The following FAM3D variants were observed in gnomAD, a reference collection of about 807,000 sequenced individuals.
The protein encoded by FAM3D is FAM3 metabolism regulating signaling molecule D, also known as protein FAM3D.
Under a neutral mutation model 29.8 loss-of-function variants are expected in FAM3D, and 26 were observed. The observed-to-expected ratio is 0.87, with a 90% CI of 0.64 to 1.21. The LOEUF (loss-of-function observed/expected upper bound fraction) is 1.21, where lower values mean the gene tolerates loss of function less well. Among genes scored for constraint, FAM3D ranks in the 50% most tolerant of loss-of-function variants. FAM3D has a pLI of 0.00. For missense variants in FAM3D, 253 were observed against 290.9 expected (o/e 0.87, Z 0.95); for synonymous variants, 115 against 102.3 (o/e 1.12, Z -0.75).
chr3:58,636,172 G>A, intron 9 of FAM3D, 122 bp downstream of exon 9: 1 of 1,436,258 alleles, frequency 7.0e-7, no homozygotes. Context: ...ACAGCCAGGG[G>A]CCTCTCCCCA....
intron 4 of FAM3D, 121 bp downstream of exon 4, chr3:58,649,194 G>T: frequency 1.6e-6 from 2 of 1,253,464 alleles, no homozygotes; most frequent in Non-Finnish European, 2.2e-6. Context: ...AGGAAGCCCA[G>T]GTTTCTCTGG....
chr3:58,660,167 A>G (rs2066904556), intron 1 of FAM3D, among the ~76,000 whole-genome samples: 1 of 152,220 alleles, frequency 6.6e-6, no homozygotes, highest in South Asian at 2.1e-4. Flanking sequence ...AAAGAGAATG[A>G]AAAAGAAACA....
chr3:58,644,083 C>T (rs564028489), intron 5 of FAM3D, among the ~76,000 whole-genome samples: 4 of 152,290 alleles, frequency 2.6e-5, no homozygotes, highest in East Asian at 1.9e-4. Context: ...CCCCATGTGG[C>T]CCAGCTGTGT....
intron 1 of FAM3D, among the ~76,000 whole-genome samples, chr3:58,664,814 C>A (rs1302311967): frequency 6.6e-6 from 1 of 152,214 alleles, no homozygotes; most frequent in East Asian, 1.9e-4. Context: ...TAGGAAATGT[C>A]TGCTCCGCTC....
chr3:58,647,014 T>C (rs1005971), intron 4 of FAM3D, among the ~76,000 whole-genome samples: 86,634 of 152,052 alleles, frequency 0.57, 26,708 homozygotes, highest in Non-Finnish European at 0.68. Flanking sequence ...CCAGGCTTGG[T>C]GAGCACCTTT....
At chr3:58,661,826 C>T (rs1450128855) in intron 1 of FAM3D, among the ~76,000 whole-genome samples, 1 of 152,198 alleles carries the variant, frequency 6.6e-6, no homozygotes, top group African/African-American at 2.4e-5. Context: ...GCTTTCTTGC[C>T]CTCTCCCTTG....
chr3:58,649,190 C>T, intron 4 of FAM3D, 125 bp downstream of exon 4: 1 of 1,206,066 alleles, frequency 8.3e-7, no homozygotes, highest in Non-Finnish European at 1.2e-6. Flanking sequence ...AATCAGGAAG[C>T]CCAGGTTTCT....
intron 2 of FAM3D, 66 bp from the exon 3 acceptor site, chr3:58,653,847 A>G: frequency 1.6e-6 from 2 of 1,236,588 alleles, no homozygotes; most frequent in South Asian, 1.2e-5. Context: ...ACCACGTGTG[A>G]GTTCTTCCCA....
chr3:58,641,202 G>T (rs1044188729), intron 6 of FAM3D, among the ~76,000 whole-genome samples: 12 of 152,180 alleles, frequency 7.9e-5, no homozygotes, highest in Admixed American at 4.6e-4. Flanking sequence ...CCCCACATCT[G>T]GCATACATAG....
chr3:58,640,404 G>C (rs1322914669), intron 6 of FAM3D, among the ~76,000 whole-genome samples: 1 of 152,222 alleles, frequency 6.6e-6, no homozygotes, highest in African/African-American at 2.4e-5. Context: ...GAATCGAACT[G>C]AGTCTACTCA....
intron 7 of FAM3D, among the ~76,000 whole-genome samples, chr3:58,637,994 C>T (rs1287399274): frequency 6.6e-6 from 1 of 152,176 alleles, no homozygotes; most frequent in African/African-American, 2.4e-5. Context: ...AAGCGATTCT[C>T]CTGCCTCAGC....
chr3:58,664,124 G>T (rs1220059579), intron 1 of FAM3D, among the ~76,000 whole-genome samples: 1 of 151,880 alleles, frequency 6.6e-6, no homozygotes, highest in Non-Finnish European at 1.5e-5. Context: ...CCTTGGGCAG[G>T]TTACCTCACC....
intron 7 of FAM3D, among the ~76,000 whole-genome samples, chr3:58,637,753 G>T (rs914693558): frequency 6.6e-6 from 1 of 152,178 alleles, no homozygotes; most frequent in Non-Finnish European, 1.5e-5. Flanking sequence ...AAGGCTCTGC[G>T]TGTGTCTTTA....
At chr3:58,660,059 G>C (rs2066902454) in intron 1 of FAM3D, among the ~76,000 whole-genome samples, 1 of 152,194 alleles carries the variant, frequency 6.6e-6, no homozygotes, top group African/African-American at 2.4e-5. Context: ...GGTGAATTCT[G>C]TGTGCATGAG....
chr3:58,662,126 A>C (rs557129945), intron 1 of FAM3D, among the ~76,000 whole-genome samples: 1 of 150,140 alleles, frequency 6.7e-6, no homozygotes, highest in South Asian at 2.2e-4. Context: ...AGAGAGGACA[A>C]ACTGGATCAG....
At position 58,645,557 on chromosome 3, in the gene FAM3D, C is replaced by A; in HGVS notation, c.215G>T (p.Ser72Ile). The A allele has an allele frequency of 6.2e-7, 1 of 1,614,232 alleles. No individual in the cohort carries two copies. Among genetic ancestry groups the A allele is most frequent in the Non-Finnish European group, 8.5e-7 (1 of 1,180,040 alleles). The change falls in exon 5 of 10, where the codon AGT becomes ATT. Residue 72 changes from serine to isoleucine, a missense_variant. By Grantham distance (142) the Ser-to-Ile change is moderately radical. Transcript: ENST00000358781. ...AGGGCCCACGACGTTGGCGGCCCCACTGCAGATTTTAAACGCAAAGTAGTT... is the reference window on the plus strand; with the variant it reads ...AGGGCCCACGACGTTGGCGGCCCCAATGCAGATTTTAAACGCAAAGTAGTT... ...PANYFAFKIC[S>I]GAANVVGPTM...
chr3:58,665,812 A>AT (rs1280846969), intron 1 of FAM3D, among the ~76,000 whole-genome samples: 2 of 152,236 alleles, frequency 1.3e-5, no homozygotes, highest in African/African-American at 4.8e-5. Flanking sequence ...TAAATGTGTT[A>AT]TTATATGGAG....
At chr3:58,666,306 C>T (rs1364566085) in intron 1 of FAM3D, among the ~76,000 whole-genome samples, 1 of 152,174 alleles carries the variant, frequency 6.6e-6, no homozygotes, top group African/African-American at 2.4e-5. Context: ...TCATAGCATG[C>T]TTTTGCCTGA....
At chr3:58,666,331 C>T (rs1463639496) in intron 1 of FAM3D, among the ~76,000 whole-genome samples, 1 of 152,154 alleles carries the variant, frequency 6.6e-6, no homozygotes, top group East Asian at 1.9e-4. Context: ...GAACCCAGCC[C>T]CAGAATCCTT....
Sources: allele counts gnomAD v4.1 joint callset (sites outside exome capture counted in the v4.1 genomes callset), GRCh38; gene constraint gnomAD v4.1.1; transcripts MANE v1.5; gene names NCBI Gene and HGNC (gene_info 2026-07-23, HGNC 2026-07-21).